The following KALRN variants were observed in gnomAD, a reference collection of about 807,000 sequenced individuals.
KALRN encodes kalirin.
KALRN carries 70 observed loss-of-function variants against 353.7 expected under a neutral mutation model. The ratio of observed to expected loss-of-function variants is 0.20; its 90% CI spans 0.16 to 0.24. The LOEUF is 0.24. Among genes scored for constraint, KALRN ranks in the 10% least tolerant of loss-of-function variants. KALRN has a pLI of 1.00. For missense variants in KALRN, 2,791 were observed against 3,756.7 expected (o/e 0.74, Z 6.72); for synonymous variants, 1,391 against 1,434.8 (o/e 0.97, Z 0.69).
intron 1 of KALRN, among the ~76,000 whole-genome samples, chr3:124,166,627 G>T (rs2070894494): frequency 1.3e-5 from 2 of 152,124 alleles, no homozygotes; most frequent in Non-Finnish European, 1.5e-5. Flanking sequence ...AGTCCGTTCA[G>T]CATATAACAA....
At position 124,128,920 on chromosome 3, in the gene KALRN, G is replaced by C. The variant is rs181561362; in HGVS notation, c.73+95107G>C. ...CTCCTCTGTGTTAGCTGCCCTGTTG[G>C]CTTGGTTATATCTCTGCACAGGGAT... is the stretch of plus-strand genomic sequence containing the variant. On this transcript the variant is annotated intron_variant, in intron 1 of 59. Transcript: ENST00000682506. 7.0e-4 allele frequency among the ~76,000 whole-genome samples: 107 copies of C among 152,084 alleles called. No individual in the cohort carries two copies. The South Asian group carries it at 0.014, about 20-fold the overall frequency.
chr3:124,620,683 G>A (rs2079163485), intron 34 of KALRN, among the ~76,000 whole-genome samples: 1 of 152,200 alleles, frequency 6.6e-6, no homozygotes, highest in East Asian at 1.9e-4. Context: ...ACAGCTAGAT[G>A]GGGCAGTGAG....
At chr3:124,070,777 A>C (rs2059979702) in intron 1 of KALRN, among the ~76,000 whole-genome samples, 1 of 152,140 alleles carries the variant, frequency 6.6e-6, no homozygotes, top group South Asian at 2.1e-4. Context: ...ATTTCAGTGG[A>C]TCCTCAGCCC....
At chr3:124,103,171 A>G (rs909672969) in intron 1 of KALRN, among the ~76,000 whole-genome samples, 1 of 152,210 alleles carries the variant, frequency 6.6e-6, no homozygotes, top group Non-Finnish European at 1.5e-5. Context: ...AGTAGAGCGT[A>G]TCATTGGGAT....
intron 1 of KALRN, among the ~76,000 whole-genome samples, chr3:124,073,099 G>C (rs1178436450): frequency 6.6e-6 from 1 of 152,204 alleles, no homozygotes. Flanking sequence ...AGCACTCCAG[G>C]GTCCTGTGGC....
chr3:124,547,887 A>G (rs986946165), intron 33 of KALRN, among the ~76,000 whole-genome samples: 3 of 152,008 alleles, frequency 2.0e-5, no homozygotes, highest in Admixed American at 6.6e-5. Context: ...CTAAGAGCTC[A>G]TTCTTCTCCC....
rs574432419 is a variant in KALRN at position 124,125,005 on chromosome 3, G to A, written c.73+91192G>A. On this transcript the variant is annotated intron_variant, in intron 1 of 59. Transcript: ENST00000682506. ...GCGTGGGAGAGGGTTTGCGTTTAAC[G>A]TTGTAGGGACAAGGCATTCAGTGCA... 3.3e-5 allele frequency among the ~76,000 whole-genome samples: 5 copies of A among 152,284 alleles called. No homozygotes were observed. In the South Asian group the frequency reaches 8.3e-4, roughly 25 times the overall value.
At chr3:124,179,070 G>T (rs1006244288) in intron 1 of KALRN, among the ~76,000 whole-genome samples, 1 of 151,982 alleles carries the variant, frequency 6.6e-6, no homozygotes, top group Non-Finnish European at 1.5e-5. Context: ...TCACACTATG[G>T]CATTCCAGCC....
At chr3:124,678,123 T>C in intron 49 of KALRN, 67 bp from the exon 50 acceptor site, 1 of 1,568,512 alleles carries the variant, frequency 6.4e-7, no homozygotes, top group Non-Finnish European at 8.7e-7. Context: ...CCAAGGGTGG[T>C]GAGCCCGCCC....
intron 41 of KALRN, among the ~76,000 whole-genome samples, chr3:124,658,223 C>T (rs1243624734): frequency 6.6e-6 from 1 of 152,170 alleles, no homozygotes; most frequent in Admixed American, 6.5e-5. Context: ...TCTCAGCCCT[C>T]TCTAAGTTTT....
chr3:124,462,549 G>A lies in KALRN; in HGVS notation c.3947G>A (p.Gly1316Asp). The A allele has an allele frequency of 6.2e-7, 1 of 1,610,350 alleles. No individual in the cohort carries two copies. The highest frequency in any genetic ancestry group is 1.1e-5 in the South Asian group (1 of 90,978). The change falls in exon 25 of 60, where the codon GGT (glycine) becomes GAT (aspartate). Residue 1316 changes from glycine (G) to aspartate (D), a missense_variant. Coordinates refer to ENST00000682506, the MANE Select transcript of KALRN (RefSeq NM_001388419.1). ...LETYLWEMTS[G>D]VEEIPPGILN... ...ACCTACCTGTGGGAAATGACCAGTG[G>A]TGTGGAGGAGATCCCCCCTGGGATC...
intron 10 of KALRN, among the ~76,000 whole-genome samples, chr3:124,380,769 A>G (rs1299789581): frequency 6.6e-6 from 1 of 152,194 alleles, no homozygotes; most frequent in Admixed American, 6.5e-5. Context: ...CTTTGGTAAT[A>G]CTTTAGTTGA....
rs368157231 is a variant in KALRN, at chr3:124,246,536, G to A, written c.263+11593G>A. On this transcript the variant is annotated intron_variant, in intron 3 of 59. Coordinates refer to ENST00000682506, the MANE Select transcript of KALRN (RefSeq NM_001388419.1). Reference sequence around the variant, plus strand: ...AGCTCCTTGGCTGGTTGTGTAGTCAGTTCTGGCATGGCTTAAAGTGGTTAA... The same window carrying A: ...AGCTCCTTGGCTGGTTGTGTAGTCAATTCTGGCATGGCTTAAAGTGGTTAA... Among the ~76,000 whole-genome samples, 4 of 150,916 alleles carry A rather than the reference G, an allele frequency of 2.7e-5. No homozygotes were observed. In the East Asian group the frequency reaches 5.8e-4, roughly 22 times the overall value.
chr3:124,640,351 A>C (rs1041173292), intron 37 of KALRN, among the ~76,000 whole-genome samples: 2 of 142,844 alleles, frequency 1.4e-5, no homozygotes, highest in Non-Finnish European at 3.0e-5. Flanking sequence ...CAGCGGCATG[A>C]TCTCGGTTCT....
chr3:124,214,478 A>G (rs1200460204), intron 1 of KALRN, among the ~76,000 whole-genome samples: 1 of 152,184 alleles, frequency 6.6e-6, no homozygotes, highest in Admixed American at 6.5e-5. Flanking sequence ...ACATTTATCC[A>G]TGGACAAGAC....
intron 41 of KALRN, 93 bp downstream of exon 41, chr3:124,657,896 G>A (rs923333252): frequency 1.6e-5 from 15 of 950,118 alleles, no homozygotes; most frequent in Non-Finnish European, 2.2e-5. Flanking sequence ...GCTCACACCT[G>A]TAATTCCAAC....
At chr3:124,110,407 TG>T (rs1204115434) in intron 1 of KALRN, among the ~76,000 whole-genome samples, 1 of 150,074 alleles carries the variant, frequency 6.7e-6, no homozygotes, top group Non-Finnish European at 1.5e-5. Context: ...ATGTGGTACA[TG>T]GTAAATATAT....
intron 10 of KALRN, among the ~76,000 whole-genome samples, chr3:124,369,919 A>G (rs1270619827): frequency 6.6e-6 from 1 of 152,186 alleles, no homozygotes; most frequent in Non-Finnish European, 1.5e-5. Context: ...TTCTAGGTCC[A>G]TTCATGTTGT....
chr3:124,326,124 A>G lies in KALRN; in HGVS notation c.1237A>G (p.Ser413Gly). The G allele has an allele frequency of 6.2e-7, 1 of 1,613,750 alleles. No individual in the cohort carries two copies. The highest frequency in any genetic ancestry group is 8.5e-7 in the Non-Finnish European group (1 of 1,179,814). Residue 413 changes from serine to glycine, a missense_variant, in exon 7 of 60, where the codon AGC (serine) becomes GGC (glycine). Ser to Gly is a moderately conservative substitution (Grantham distance 56). This residue lies in a region of KALRN where 366 missense variants were observed against 489.2 expected (regional missense o/e 0.75). Transcript: ENST00000682506. ...KSFAAALDER[S>G]TILAMSAVFH... ...CTTCGCTGCTGCCCTGGATGAACGC[A>G]GCACCATCCTCGCCATGTCTGCTGT...
Sources: allele counts gnomAD v4.1 joint callset (sites outside exome capture counted in the v4.1 genomes callset), GRCh38; gene constraint gnomAD v4.1.1; regional missense constraint gnomAD v4.1.1; transcripts MANE v1.5; gene names NCBI Gene and HGNC (gene_info 2026-07-23, HGNC 2026-07-21).